Variants in TBC1D30 observed in about 807,000 individuals in gnomAD.
The protein encoded by TBC1D30 is TBC1 domain family, member 30.
Under a neutral mutation model 63.2 loss-of-function variants are expected in TBC1D30, and 31 were observed. The observed-to-expected ratio is 0.49, with a 90% CI of 0.37 to 0.66. The LOEUF is 0.66. TBC1D30 is among the 30% of genes least tolerant of loss of function. The pLI, the probability that TBC1D30 is intolerant of heterozygous loss-of-function variation, is 0.00. For synonymous variants in TBC1D30, 307 were observed against 361.5 expected (o/e 0.85, Z 1.71); for missense variants, 810 against 953.6 (o/e 0.85, Z 1.98).
chr12:64,852,618 TG>T (rs1876969702), intron 8 of TBC1D30, among the ~76,000 whole-genome samples: 1 of 152,216 alleles, frequency 6.6e-6, no homozygotes. Flanking sequence ...CTCATTTTCA[TG>T]GATTTATCTA....
intron 2 of TBC1D30, among the ~76,000 whole-genome samples, chr12:64,800,441 C>T (rs889593883): frequency 4.0e-5 from 6 of 151,836 alleles, no homozygotes; most frequent in Middle Eastern, 3.2e-3. Flanking sequence ...TTGGGAGAGG[C>T]GAATGGAATC....
intron 2 of TBC1D30, among the ~76,000 whole-genome samples, chr12:64,796,388 G>A (rs1055730517): frequency 6.6e-6 from 1 of 152,020 alleles, no homozygotes. Context: ...GTTTTCTCTT[G>A]TCAGTTATGG....
chr12:64,824,943 G>A lies in TBC1D30; in HGVS notation c.64G>A (p.Gly22Ser), dbSNP rs549385205. 4.0e-5 allele frequency: 61 copies of A among 1,534,688 alleles called. No individual in the cohort carries two copies. In the East Asian group the frequency reaches 5.4e-4, roughly 14 times the overall value. The stretch of plus-strand genomic sequence containing the variant: ...GGGGAGATGCCTGAAGCGGCAGGGC[G>A]GCGGCGTGGGCACCATCCTGAGCAA... ...RGGRCLKRQGGGVGTILSNVL... is the reference protein window; with the variant it reads ...RGGRCLKRQGSGVGTILSNVL... Residue 22 changes from glycine to serine, a missense_variant, in exon 1 of 12, where the codon GGC (glycine) becomes AGC (serine). Gly to Ser is a moderately conservative substitution (Grantham distance 56, BLOSUM62 0). Transcript: ENST00000539867.
upstream of TBC1D30, among the ~76,000 whole-genome samples, chr12:64,821,882 G>GACTTCATTTTCTAAACAGTC (rs1873909471): frequency 6.6e-6 from 1 of 152,226 alleles, no homozygotes; most frequent in African/African-American, 2.4e-5. Flanking sequence ...CTTAAACAGT[G>GACTTCATTTTCTAAACAGTC]ACTTCATTTT....
upstream of TBC1D30, among the ~76,000 whole-genome samples, chr12:64,779,896 CA>C (rs1228962543): frequency 6.6e-6 from 1 of 152,116 alleles, no homozygotes; most frequent in African/African-American, 2.4e-5. Context: ...GCCTGACATA[CA>C]AAAAGCGCTA....
chr12:64,770,139 A>T (rs1455473079), intron 1 of TBC1D30, among the ~76,000 whole-genome samples: 1 of 152,212 alleles, frequency 6.6e-6, no homozygotes, highest in Non-Finnish European at 1.5e-5. Context: ...TTTTTTGTCA[A>T]ATGTGAACAT....
At chr12:64,766,820 A>G (rs12298969) in intron 1 of TBC1D30, among the ~76,000 whole-genome samples, 14,107 of 152,182 alleles carry the variant, frequency 0.093, 1,878 homozygotes, top group African/African-American at 0.29. Context: ...CGATAAATCT[A>G]AAAGGGTAGA....
chr12:64,824,148 A>G (rs1219485439), upstream of TBC1D30, among the ~76,000 whole-genome samples: 1 of 151,974 alleles, frequency 6.6e-6, no homozygotes, highest in Non-Finnish European at 1.5e-5. Context: ...GAGGAACATT[A>G]CTTTTTAATA....
At chr12:64,809,080 T>C (rs1024319305) in intron 2 of TBC1D30, among the ~76,000 whole-genome samples, 1 of 152,206 alleles carries the variant, frequency 6.6e-6, no homozygotes, top group Non-Finnish European at 1.5e-5. Context: ...AAAACTATAC[T>C]TCTAATAACT....
At chr12:64,767,100 C>T (rs1018610224) in intron 1 of TBC1D30, among the ~76,000 whole-genome samples, 5 of 151,764 alleles carry the variant, frequency 3.3e-5, no homozygotes, top group African/African-American at 1.2e-4. Context: ...AAAGAATGAT[C>T]TCATATCATT....
intron 7 of TBC1D30, among the ~76,000 whole-genome samples, chr12:64,839,067 T>C (rs968310028): frequency 2.0e-5 from 3 of 152,248 alleles, no homozygotes; most frequent in Non-Finnish European, 4.4e-5. Flanking sequence ...ATTCTCCCAC[T>C]CCTCCTCAAG....
At chr12:64,842,223 G>GT (rs1475832904) in intron 7 of TBC1D30, among the ~76,000 whole-genome samples, 10 of 152,090 alleles carry the variant, frequency 6.6e-5, no homozygotes, top group African/African-American at 2.4e-4. Flanking sequence ...GCAGGGTGTG[G>GT]TGGTGGGTGC....
chr12:64,819,604 A>G (rs1444852054), intron 2 of TBC1D30, among the ~76,000 whole-genome samples: 1 of 151,754 alleles, frequency 6.6e-6, no homozygotes, highest in Non-Finnish European at 1.5e-5. Context: ...TTTAGTAGAG[A>G]TGGGGTTTCA....
At chr12:64,818,844 T>G (rs1052298221) in intron 2 of TBC1D30, 2 of 152,192 alleles carry the variant, frequency 1.3e-5, no homozygotes, top group Non-Finnish European at 2.9e-5. Flanking sequence ...ATTTTTTTCA[T>G]GAATAAGTGA....
At chr12:64,786,706 T>A (rs1871609005) in intron 2 of TBC1D30, among the ~76,000 whole-genome samples, 1 of 152,022 alleles carries the variant, frequency 6.6e-6, no homozygotes, top group Admixed American at 6.6e-5. Context: ...ATCCCAGCAC[T>A]TTTGGAGGCC....
intron 1 of TBC1D30, among the ~76,000 whole-genome samples, chr12:64,783,562 G>C (rs1046316658): frequency 1.3e-5 from 2 of 152,010 alleles, no homozygotes; most frequent in African/African-American, 2.4e-5. Flanking sequence ...GGCTATGGCC[G>C]ATGTCATGGA....
intron 2 of TBC1D30, among the ~76,000 whole-genome samples, chr12:64,813,949 A>G (rs1873371578): frequency 6.6e-6 from 1 of 152,162 alleles, no homozygotes; most frequent in Admixed American, 6.5e-5. Context: ...ACAGTTTATG[A>G]TGTATTGAGA....
At chr12:64,781,107 G>GCGGGGGCCGCGGGGC in exon 1 of TBC1D30, 1 of 1,004,308 alleles carries the variant, frequency 1.0e-6, no homozygotes, top group Non-Finnish European at 1.2e-6. Flanking sequence ...GAGGCGGCGG[G>GCGGGGGCCGCGGGGC]CGGGGGCCGC....
At chr12:64,767,725 T>C (rs1022247422) in intron 1 of TBC1D30, among the ~76,000 whole-genome samples, 5 of 130,768 alleles carry the variant, frequency 3.8e-5, no homozygotes, top group African/African-American at 1.5e-4. Flanking sequence ...ATCATGCTGA[T>C]CAGGCAGGAT....
Sources: allele counts gnomAD v4.1 joint callset (sites outside exome capture counted in the v4.1 genomes callset), GRCh38; gene constraint gnomAD v4.1.1; transcripts MANE v1.5; gene names NCBI Gene and HGNC (gene_info 2026-07-23, HGNC 2026-07-21).